The following ADAM2 variants were observed in gnomAD, a reference collection of about 807,000 sequenced individuals.
ADAM2 encodes the protein ADAM metallopeptidase domain 2.
A neutral mutation model predicts 99.3 loss-of-function variants in ADAM2; 101 were observed. The observed-to-expected ratio is 1.02, with a 90% CI of 0.87 to 1.20. The LOEUF (loss-of-function observed/expected upper bound fraction) is 1.20. ADAM2 is among the 50% of genes most tolerant of loss of function. ADAM2 has a pLI of 0.00. For synonymous variants in ADAM2, 323 were observed against 287.6 expected, an observed-to-expected ratio of 1.12 and a Z score of -1.25; for missense variants, 948 against 878.7, an observed-to-expected ratio of 1.08 and a Z score of -1.00.
intron 7 of ADAM2, among the ~76,000 whole-genome samples, chr8:39,801,361 G>C (rs778199533): frequency 2.0e-5 from 3 of 152,140 alleles, no homozygotes; most frequent in African/African-American, 4.8e-5. Flanking sequence ...ACTCAAGAAG[G>C]CTGGAGAGCA....
intron 4 of ADAM2, among the ~76,000 whole-genome samples, chr8:39,823,788 C>T (rs1457302683): frequency 6.6e-6 from 1 of 152,052 alleles, no homozygotes; most frequent in African/African-American, 2.4e-5. Context: ...ATAGACTACT[C>T]TATAACTGAC....
intron 3 of ADAM2, among the ~76,000 whole-genome samples, chr8:39,828,456 G>A (rs1355686037): frequency 6.6e-6 from 1 of 151,552 alleles, no homozygotes; most frequent in African/African-American, 2.4e-5. Flanking sequence ...TTTAATTGAG[G>A]AATAATGTAT....
intron 7 of ADAM2, among the ~76,000 whole-genome samples, chr8:39,803,828 A>T (rs1217692632): frequency 6.6e-6 from 1 of 152,208 alleles, no homozygotes; most frequent in Admixed American, 6.5e-5. Flanking sequence ...TGTTAGCTGG[A>T]GAGAAGGACG....
intron 4 of ADAM2, 104 bp from the exon 5 acceptor site, chr8:39,821,766 C>T (rs1805198967): frequency 7.9e-6 from 6 of 754,784 alleles, no homozygotes; most frequent in Non-Finnish European, 1.3e-5. Flanking sequence ...GCATCAAACA[C>T]TCATGTTTCA....
At chr8:39,761,365 G>A in intron 14 of ADAM2, 84 bp from the exon 15 acceptor site, 1 of 669,772 alleles carries the variant, frequency 1.5e-6, no homozygotes, top group Non-Finnish European at 2.3e-6. Context: ...TTCTGAAAGG[G>A]TTTAAGATAT....
intron 6 of ADAM2, among the ~76,000 whole-genome samples, chr8:39,813,928 T>G (rs984153342): frequency 1.3e-5 from 2 of 149,030 alleles, no homozygotes; most frequent in Admixed American, 1.3e-4. Context: ...AAAAAATAAA[T>G]AAATAAAATA....
At chr8:39,761,589 CT>C (rs1289033388) in intron 14 of ADAM2, among the ~76,000 whole-genome samples, 2 of 152,102 alleles carry the variant, frequency 1.3e-5, no homozygotes. Context: ...ACGTAGGAAA[CT>C]TTTTTCACAT....
chr8:39,746,483 A>G lies in ADAM2; in HGVS notation c.2163T>C (p.Tyr721=), dbSNP rs781402667. The G allele has an allele frequency of 1.9e-6, 3 of 1,577,536 alleles. No homozygotes were observed. Among genetic ancestry groups the G allele is most frequent in the Non-Finnish European group, 2.6e-6 (3 of 1,165,950 alleles). ...TGAAATCAATATACTCATCGCTTGA[A>G]TAGTCCTCAGTTCTCCATTTTTTCC... ...FQRKKWRTED[Y]SSDEQPESES... Residue 721 remains tyrosine, a synonymous_variant, in exon 19 of 21, where the codon TAT becomes TAC. Coordinates refer to ENST00000265708, the MANE Select transcript of ADAM2 (RefSeq NM_001464.5).
At chr8:39,815,017 G>C (rs976808191) in intron 6 of ADAM2, among the ~76,000 whole-genome samples, 1 of 151,860 alleles carries the variant, frequency 6.6e-6, no homozygotes, top group Admixed American at 6.6e-5. Context: ...AAGTTCTAGG[G>C]AATTTTTACT....
At chr8:39,787,253 G>A (rs935580030) in intron 9 of ADAM2, among the ~76,000 whole-genome samples, 198 bp from the exon 10 acceptor site, 1 of 150,984 alleles carries the variant, frequency 6.6e-6, no homozygotes, top group Non-Finnish European at 1.5e-5. Context: ...TATTTTATAT[G>A]GATTTCTGTA....
Position 39,788,732 on chromosome 8 carries a change from A to G in ADAM2, c.579T>C (p.His193=), listed in dbSNP as rs1201407933. The G allele has an allele frequency of 6.6e-7, 1 of 1,517,866 alleles. No individual in the cohort carries two copies. Among genetic ancestry groups the G allele is most frequent in the Admixed American group, 1.9e-5 (1 of 53,026 alleles). 94.0% of individuals were successfully genotyped at this position (1,517,866 alleles called of 1,614,324 possible). A position where few individuals can be genotyped will look rare whatever the true frequency, so the allele number is the denominator to read the frequency against. Residue 193 remains histidine, a synonymous_variant, in exon 8 of 21, where the codon CAT becomes CAC. Transcript: ENST00000265708. ...CGACAACAGTTGTATCAGACCCCAT[A>G]TGATTATACTGTAAAATATTATTAC... ...HVIVEKQLYN[H]MGSDTTVVAQ...
chr8:39,749,680 C>A lies in ADAM2; in HGVS notation c.1862G>T (p.Cys621Phe), dbSNP rs1317974862. 1 of 1,610,860 alleles carries A rather than the reference C, an allele frequency of 6.2e-7. No individual in the cohort carries two copies. Among genetic ancestry groups the A allele is most frequent in the African/African-American group, 1.3e-5 (1 of 74,722 alleles). ...YLGYDCTTDK[C>F]NDRGVCNNKK... is the part of the protein sequence containing the mutation. The stretch of plus-strand genomic sequence containing the variant: ...ACTGCTACTTACACCTCTATCATTG[C>A]ATTTGTCAGTAGTACAATCATAACC... Residue 621 changes from cysteine to phenylalanine, a missense_variant, in exon 17 of 21, where the codon TGC becomes TTC. Coordinates refer to ENST00000265708, the MANE Select transcript of ADAM2 (RefSeq NM_001464.5).
chr8:39,803,931 G>A (rs1215446729), intron 7 of ADAM2, among the ~76,000 whole-genome samples: 5 of 152,118 alleles, frequency 3.3e-5, no homozygotes, highest in African/African-American at 1.2e-4. Context: ...GATTGATGTG[G>A]GCAAGAATTG....
In ADAM2 at chr8:39,835,469, G is replaced by A. The variant is rs533484799; in HGVS notation, c.133-1470C>T. Among the ~76,000 whole-genome samples, 3 of 152,262 alleles carry A rather than the reference G, an allele frequency of 2.0e-5. No homozygotes were observed. In the South Asian group the frequency reaches 6.2e-4, roughly 32 times the overall value. On this transcript the variant is annotated intron_variant, in intron 2 of 20. Coordinates refer to ENST00000265708, the MANE Select transcript of ADAM2 (RefSeq NM_001464.5). Reference sequence around the variant, plus strand: ...GGAGGCCGAGGCAGGTGGATCAGGAGGTCAGGAGATCGAGACCATCCTGAC... The same window carrying A: ...GGAGGCCGAGGCAGGTGGATCAGGAAGTCAGGAGATCGAGACCATCCTGAC...
intron 6 of ADAM2, among the ~76,000 whole-genome samples, chr8:39,815,842 T>A (rs947335311): frequency 6.6e-6 from 1 of 152,172 alleles, no homozygotes; most frequent in East Asian, 1.9e-4. Context: ...ATAACAGTAG[T>A]AGTCCTATGA....
intron 7 of ADAM2, among the ~76,000 whole-genome samples, chr8:39,802,221 G>A (rs552995239): frequency 2.2e-4 from 33 of 152,300 alleles, no homozygotes; most frequent in African/African-American, 7.9e-4. Flanking sequence ...TTGGCTGGGG[G>A]GAGGGGATTC....
At chr8:39,758,420 A>T (rs1459936780) in intron 15 of ADAM2, among the ~76,000 whole-genome samples, 9 of 152,170 alleles carry the variant, frequency 5.9e-5, no homozygotes, top group Admixed American at 5.9e-4. Context: ...AAAGAGATAG[A>T]AAATGATAAG....
rs960302241 is a variant in ADAM2, at chr8:39,777,011, G to A, written c.1028+14C>T. The A allele has an allele frequency of 2.7e-6, 4 of 1,497,916 alleles. No individual in the cohort carries two copies. The highest frequency in any genetic ancestry group is 3.7e-6 in the Non-Finnish European group (4 of 1,079,966). The allele number at this position is 1,497,916 out of a possible 1,614,324, so 92.8% of individuals were successfully genotyped here. A position where few individuals can be genotyped will look rare whatever the true frequency, so the allele number is the denominator to read the frequency against. On this transcript the variant is annotated intron_variant, in intron 11 of 20. Coordinates refer to ENST00000265708, the MANE Select transcript of ADAM2 (RefSeq NM_001464.5). Reference sequence around the variant, plus strand: ...TAAACTATATATGTAAAGTATAAAAGTCAGAAATCTTACATTGCTTCTGGA... The same window carrying A: ...TAAACTATATATGTAAAGTATAAAAATCAGAAATCTTACATTGCTTCTGGA...
chr8:39,795,298 A>T (rs531054396), intron 7 of ADAM2, among the ~76,000 whole-genome samples: 56 of 152,210 alleles, frequency 3.7e-4, no homozygotes, highest in Middle Eastern at 6.8e-3. Flanking sequence ...CCATGATGGG[A>T]AGAGGGGTGG....
Sources: gnomAD v4.1 joint callset for allele counts (sites outside exome capture counted in the v4.1 genomes callset) on GRCh38, gnomAD v4.1.1 for gene constraint, MANE v1.5 for transcripts, NCBI Gene and HGNC (gene_info 2026-07-23, HGNC 2026-07-21) for gene names.